The following HUWE1 variants were observed in gnomAD, a reference collection of about 807,000 sequenced individuals.
The protein encoded by HUWE1 is HECT, UBA and WWE domain containing E3 ubiquitin protein ligase 1.
A neutral mutation model predicts 299.4 loss-of-function variants in HUWE1; 18 were observed. The ratio of observed to expected loss-of-function variants is 0.06; its 90% CI spans 0.04 to 0.09. HUWE1 has a LOEUF of 0.09. HUWE1 is among the 10% of genes least tolerant of loss of function. The pLI is 1.00. For missense variants in HUWE1, 1,832 were observed against 3,462.3 expected (o/e 0.53, Z 11.82); for synonymous variants, 1,317 against 1,286.1 (o/e 1.02, Z -0.51).
chrX:53,626,216 CGTGTGTGTGT>C lies in HUWE1; in HGVS notation c.1490-968_1490-959del, dbSNP rs58080331. On this transcript the variant is annotated intron_variant, in intron 17 of 83. Transcript: ENST00000262854. ...ATGTATTAATACGTACATACATACA[CGTGTGTGTGT>C]GTGTGTGTGTGTGTGTGTGTGTGTG... 8.8e-3 allele frequency among the ~76,000 whole-genome samples: 834 copies of C among 94,856 alleles called. 6 individuals are homozygous for C. Among genetic ancestry groups the C allele is most frequent in the Admixed American group, 0.019 (166 of 8,667 alleles). 82.4% of individuals were successfully genotyped at this position (94,856 alleles called of 115,157 possible).
intron 23 of HUWE1, among the ~76,000 whole-genome samples, chrX:53,611,188 TAAA>T (rs1204862205): frequency 1.6e-5 from 1 of 60,812 alleles, no homozygotes; most frequent in Non-Finnish European, 3.1e-5. Flanking sequence ...GCTGATTTTG[TAAA>T]AAAAAAAAAA....
chrX:53,542,599 G>A (rs1298121237), intron 73 of HUWE1, 60 bp from the exon 74 acceptor site: 2 of 798,478 alleles, frequency 2.5e-6, no homozygotes, highest in East Asian at 3.1e-5. Context: ...TTAGAGACAG[G>A]CTAGAGGTTG....
At chrX:53,591,263 T>C (rs1432047871) in intron 33 of HUWE1, 141 bp from the exon 34 acceptor site, 2 of 640,036 alleles carry the variant, frequency 3.1e-6, no homozygotes, top group Non-Finnish European at 4.9e-6. Flanking sequence ...GGCAATTAGG[T>C]AAAATGAACA....
At chrX:53,558,510 G>T in intron 59 of HUWE1, 145 bp downstream of exon 59, 1 of 574,518 alleles carries the variant, frequency 1.7e-6, no homozygotes, top group Non-Finnish European at 2.9e-6. Flanking sequence ...CCAGGTCAAT[G>T]TATGGTGAAT....
rs1167142431 is a variant in HUWE1 at position 53,642,238 on chromosome X, A to G, written c.504+3073T>C. Reference sequence around the variant, plus strand: ...ATTCAGATTCCCTTCTATCAAAGGTATAACTTTTGATGTCTGTTAATTTTT... The same window carrying G: ...ATTCAGATTCCCTTCTATCAAAGGTGTAACTTTTGATGTCTGTTAATTTTT... On this transcript the variant is annotated intron_variant, in intron 7 of 83. Coordinates refer to ENST00000262854, the MANE Select transcript of HUWE1 (RefSeq NM_031407.7). Among the ~76,000 whole-genome samples the G allele has an allele frequency of 3.6e-5, 4 of 112,137 alleles. No homozygotes were observed. The East Asian group carries it at 1.1e-3, about 31-fold the overall frequency.
chrX:53,584,259 A>G lies in HUWE1; in HGVS notation c.5088T>C (p.Asn1696=). 8.3e-7 allele frequency: 1 copy of G among 1,205,364 alleles called. No individual in the cohort carries two copies. The highest frequency in any genetic ancestry group is 1.1e-6 in the Non-Finnish European group (1 of 889,922). ...PRLNKNSKNS[N]GQELEKTLEE... ...CCAGCGTCTTCTCTAGTTCCTGTCC[A>G]TTGCTGTTTTTTGAATTTTTATTCA... The change falls in exon 41 of 84, where the codon AAT becomes AAC. Residue 1696 remains asparagine, a synonymous_variant. Coordinates refer to ENST00000262854, the MANE Select transcript of HUWE1 (RefSeq NM_031407.7).
At chrX:53,579,035 G>C (rs1341997641) in intron 43 of HUWE1, among the ~76,000 whole-genome samples, 6 of 79,296 alleles carry the variant, frequency 7.6e-5, no homozygotes, top group Admixed American at 1.2e-4. Context: ...GAGGCGGGGG[G>C]GGGGGTCGGC....
intron 3 of HUWE1, among the ~76,000 whole-genome samples, chrX:53,667,740 G>A (rs868978072): frequency 6.3e-5 from 7 of 111,735 alleles, no homozygotes; most frequent in African/African-American, 2.3e-4. Flanking sequence ...AACAAGTGTA[G>A]AGGAATCTTT....
chrX:53,568,943 T>C (rs2062694128), intron 48 of HUWE1, 69 bp from the exon 49 acceptor site: 1 of 927,460 alleles, frequency 1.1e-6, no homozygotes, highest in African/African-American at 1.9e-5. Context: ...CTTCACAAAA[T>C]AGCCTCAGAT....
chrX:53,596,573 A>G (rs1341338430), intron 29 of HUWE1, among the ~76,000 whole-genome samples: 3 of 112,290 alleles, frequency 2.7e-5, no homozygotes, highest in Non-Finnish European at 3.8e-5. Flanking sequence ...CGACCTGCTG[A>G]TACTGTGGTG....
intron 43 of HUWE1, chrX:53,580,002 A>G (rs2063537245): frequency 9.0e-6 from 1 of 111,491 alleles, no homozygotes; most frequent in African/African-American, 3.3e-5. Flanking sequence ...ACAAACCTAC[A>G]GAAAAGTTCG....
chrX:53,683,496 AC>A (rs1386552595), intron 2 of HUWE1, among the ~76,000 whole-genome samples: 15 of 109,625 alleles, frequency 1.4e-4, no homozygotes, highest in African/African-American at 5.0e-4. Flanking sequence ...GTTCAATTTA[AC>A]CCCCAACCCC....
chrX:53,615,373 A>C (rs998266762), intron 22 of HUWE1, among the ~76,000 whole-genome samples: 4 of 109,006 alleles, frequency 3.7e-5, no homozygotes, highest in African/African-American at 1.3e-4. Flanking sequence ...GACTACAGGC[A>C]CACGCCACCA....
At chrX:53,533,453 G>A (rs782112394) in intron 83 of HUWE1, 42 bp from the exon 84 acceptor site, 1 of 974,739 alleles carries the variant, frequency 1.0e-6, no homozygotes, top group Non-Finnish European at 1.5e-6. Context: ...AGGGATGACA[G>A]ATAACCAAAT....
chrX:53,536,983 G>C (rs1556913658), intron 78 of HUWE1, among the ~76,000 whole-genome samples: 1 of 112,184 alleles, frequency 8.9e-6, no homozygotes, highest in Non-Finnish European at 1.9e-5. Flanking sequence ...GTATTAGAGA[G>C]GGATAAGCCC....
Position 53,585,120 on chromosome X carries a change from A to G in HUWE1, c.4893T>C (p.Ser1631=). 8.3e-7 allele frequency: 1 copy of G among 1,211,820 alleles called. No homozygotes were observed. The highest frequency in any genetic ancestry group is 1.1e-6 in the Non-Finnish European group (1 of 895,450). ...AATCAATAGTGCTATTGTTGCTTGC[A>G]CTGTAACTACACCAACGCCCAGAGC... ...DDRSGRWCSY[S]ASNNSTIDSA... Residue 1631 remains serine (S), a synonymous_variant, in exon 40 of 84, where the codon AGT becomes AGC. Coordinates refer to ENST00000262854, the MANE Select transcript of HUWE1 (RefSeq NM_031407.7).
intron 43 of HUWE1, among the ~76,000 whole-genome samples, chrX:53,578,537 G>T (rs1216778614): frequency 1.0e-5 from 1 of 99,067 alleles, no homozygotes; most frequent in Admixed American, 1.0e-4. Flanking sequence ...GAGGTGGGGG[G>T]TCAGCCCCCC....
At chrX:53,541,264 C>G in intron 74 of HUWE1, among the ~76,000 whole-genome samples, 1 of 111,944 alleles carries the variant, frequency 8.9e-6, no homozygotes, top group East Asian at 2.8e-4. Flanking sequence ...GTCCCAGAAG[C>G]AGTAAATGGG....
chrX:53,558,339 T>C (rs185518087), intron 59 of HUWE1, among the ~76,000 whole-genome samples: 2 of 111,746 alleles, frequency 1.8e-5, no homozygotes, highest in East Asian at 2.8e-4. Flanking sequence ...ACTAAGAGCA[T>C]GGACTTAGAT....
Sources: gnomAD v4.1 joint callset for allele counts (sites outside exome capture counted in the v4.1 genomes callset) on GRCh38, gnomAD v4.1.1 for gene constraint, MANE v1.5 for transcripts, NCBI Gene and HGNC (gene_info 2026-07-23, HGNC 2026-07-21) for gene names.